The following ZMYM2 variants were observed in gnomAD, a reference collection of about 807,000 sequenced individuals.
ZMYM2 encodes zinc finger MYM-type containing 2, also known as zinc finger MYM-type protein 2.
In ZMYM2, 56 loss-of-function variants were observed where a neutral mutation model predicts 162.8. That is an observed-to-expected ratio of 0.34 (90% confidence interval 0.28 to 0.43). ZMYM2 has a LOEUF of 0.43. Ranked by LOEUF, ZMYM2 falls within the 20% of genes least tolerant of loss-of-function variation. The pLI is 1.00. For synonymous variants in ZMYM2, 510 were observed against 541.6 expected, an observed-to-expected ratio of 0.94 and a Z score of 0.81; for missense variants, 1,275 against 1,621.8, an observed-to-expected ratio of 0.79 and a Z score of 3.67.
At chr13:20,079,835 T>A (rs886531652) in intron 21 of ZMYM2, among the ~76,000 whole-genome samples, 1 of 152,236 alleles carries the variant, frequency 6.6e-6, no homozygotes, top group African/African-American at 2.4e-5. Context: ...ATAGAAATTT[T>A]CTCTTTGTAC....
Position 20,051,566 on chromosome 13 carries a change from C to T in ZMYM2, c.2426C>T (p.Thr809Ile), listed in dbSNP as rs759749000. Residue 809 changes from threonine (T) to isoleucine (I), a missense_variant, in exon 13 of 25, where the codon ACA becomes ATA. Thr to Ile is a moderately conservative substitution (Grantham distance 89). Transcript: ENST00000610343. ...FYCQQNEPNM[T>I]TQKGPENLHY... is the part of the protein sequence containing the mutation. ...TGTCAACAAAATGAGCCCAACATGACAACTCAGAAAGGACCTGAAAACTTA... is the reference window on the plus strand; with the variant it reads ...TGTCAACAAAATGAGCCCAACATGATAACTCAGAAAGGACCTGAAAACTTA... 42 of 1,612,862 alleles carry T rather than the reference C, an allele frequency of 2.6e-5. No individual in the cohort carries two copies. The highest frequency in any genetic ancestry group is 3.4e-5 in the Non-Finnish European group (40 of 1,179,398).
intron 2 of ZMYM2, among the ~76,000 whole-genome samples, chr13:19,992,068 C>T (rs935886784): frequency 1.3e-5 from 2 of 152,128 alleles, no homozygotes; most frequent in Non-Finnish European, 2.9e-5. Context: ...TTTGTAGGTT[C>T]CAGGAATGGG....
At chr13:19,949,007 A>G in the ZMYM2 span, among the ~76,000 whole-genome samples, 1 of 152,050 alleles carries the variant, frequency 6.6e-6, no homozygotes, top group Admixed American at 6.6e-5. Flanking sequence ...GGGCAGGGCC[A>G]GTTCATAATC....
the ZMYM2 span, among the ~76,000 whole-genome samples, chr13:19,942,948 CG>C: frequency 6.6e-6 from 1 of 152,020 alleles, no homozygotes; most frequent in African/African-American, 2.4e-5. Context: ...AAATTAGGTT[CG>C]TAGGGCTGCC....
At chr13:19,995,875 C>T (rs538503433) in intron 3 of ZMYM2, among the ~76,000 whole-genome samples, 24 of 152,230 alleles carry the variant, frequency 1.6e-4, no homozygotes, top group African/African-American at 5.5e-4. Context: ...CCTGTGGTCC[C>T]AGCTACTTGG....
intron 20 of ZMYM2, 75 bp from the exon 21 acceptor site, chr13:20,067,164 A>C: frequency 3.5e-6 from 5 of 1,415,476 alleles, no homozygotes; most frequent in Non-Finnish European, 4.7e-6. Flanking sequence ...CTTACAAAGA[A>C]TAACGTCAGA....
chr13:19,887,542 A>G, the ZMYM2 span, among the ~76,000 whole-genome samples: 2 of 150,996 alleles, frequency 1.3e-5, no homozygotes, highest in Admixed American at 6.6e-5. Flanking sequence ...AAAAAAAAAT[A>G]CAATATAATA....
At chr13:19,975,443 T>G (rs1956697280) in intron 2 of ZMYM2, among the ~76,000 whole-genome samples, 1 of 152,236 alleles carries the variant, frequency 6.6e-6, no homozygotes, top group Admixed American at 6.5e-5. Flanking sequence ...GTGTCTGGCC[T>G]ACTTCACTTA....
chr13:19,937,705 G>A, the ZMYM2 span, among the ~76,000 whole-genome samples: 1 of 151,148 alleles, frequency 6.6e-6, no homozygotes, highest in African/African-American at 2.4e-5. Flanking sequence ...TGTTACATAA[G>A]TATACATGTG....
the ZMYM2 span, among the ~76,000 whole-genome samples, chr13:19,899,355 A>G: frequency 4.6e-5 from 7 of 152,198 alleles, no homozygotes; most frequent in Non-Finnish European, 1.0e-4. Flanking sequence ...AGAGAAATTT[A>G]CAGCTGTAAA....
At position 19,993,749 on chromosome 13, in the gene ZMYM2, G is replaced by A; in HGVS notation, c.677G>A (p.Gly226Glu). 1.2e-6 allele frequency: 2 copies of A among 1,614,088 alleles called. No homozygotes were observed. Among genetic ancestry groups the A allele is most frequent in the East Asian group, 2.2e-5 (1 of 44,870 alleles). The change falls in exon 3 of 25, where the codon GGA becomes GAA. Residue 226 changes from glycine (G) to glutamate (E), a missense_variant. By Grantham distance (98) the Gly-to-Glu change is moderately conservative (BLOSUM62 -2). Transcript: ENST00000610343. ...HVTSLQNTNL[G>E]DVSNGLQSSN... Reference sequence around the variant, plus strand: ...ACATCACTGCAGAATACCAACTTGGGAGATGTCTCTAACGGACTGCAGTCA... The same window carrying A: ...ACATCACTGCAGAATACCAACTTGGAAGATGTCTCTAACGGACTGCAGTCA...
chr13:20,009,651 T>C (rs1951018348), intron 6 of ZMYM2, among the ~76,000 whole-genome samples: 2 of 152,224 alleles, frequency 1.3e-5, no homozygotes, highest in Admixed American at 6.5e-5. Context: ...AGTGAAATTA[T>C]ATAATATTTG....
At chr13:19,920,130 G>T in the ZMYM2 span, among the ~76,000 whole-genome samples, 3 of 152,052 alleles carry the variant, frequency 2.0e-5, no homozygotes, top group Non-Finnish European at 4.4e-5. Context: ...TTAAAGTTAT[G>T]TATCTATGTA....
the ZMYM2 span, among the ~76,000 whole-genome samples, chr13:19,912,397 A>G: frequency 1.3e-5 from 2 of 150,084 alleles, no homozygotes; most frequent in Admixed American, 1.3e-4. Context: ...CAGTGGCCCA[A>G]TCACAGCTCA....
At chr13:19,937,824 T>A in the ZMYM2 span, among the ~76,000 whole-genome samples, 1 of 128,104 alleles carries the variant, frequency 7.8e-6, no homozygotes, top group East Asian at 2.5e-4. Context: ...GTGTGTGATG[T>A]TCCCCTTTCT....
chr13:19,913,111 G>C, the ZMYM2 span, among the ~76,000 whole-genome samples: 1 of 152,168 alleles, frequency 6.6e-6, no homozygotes, highest in Non-Finnish European at 1.5e-5. Flanking sequence ...TGAAGTGTCA[G>C]TGGAAGACAG....
intron 6 of ZMYM2, among the ~76,000 whole-genome samples, chr13:20,016,082 G>A (rs1053638978): frequency 2.0e-5 from 3 of 149,838 alleles, no homozygotes; most frequent in Non-Finnish European, 3.0e-5. Context: ...CCTTTTTTTT[G>A]GTATCTCATT....
intron 6 of ZMYM2, among the ~76,000 whole-genome samples, chr13:20,019,294 T>C (rs1313403232): frequency 6.6e-6 from 1 of 152,160 alleles, no homozygotes; most frequent in African/African-American, 2.4e-5. Flanking sequence ...TCTAAGTATC[T>C]ATCTTTAATT....
intron 2 of ZMYM2, among the ~76,000 whole-genome samples, chr13:19,984,281 A>G (rs1024177330): frequency 1.3e-5 from 2 of 152,214 alleles, no homozygotes; most frequent in African/African-American, 4.8e-5. Flanking sequence ...TGTGTTAATT[A>G]ATTCTCACTG....
Sources: gnomAD v4.1 joint callset for allele counts (sites outside exome capture counted in the v4.1 genomes callset) on GRCh38, gnomAD v4.1.1 for gene constraint, MANE v1.5 for transcripts, NCBI Gene and HGNC (gene_info 2026-07-23, HGNC 2026-07-21) for gene names.